The following LRRC27 variants were observed in gnomAD, a reference collection of about 807,000 sequenced individuals.
The protein encoded by LRRC27 is leucine-rich repeat-containing protein 27.
LRRC27 carries 57 observed loss-of-function variants against 55.0 expected under a neutral mutation model. The ratio of observed to expected loss-of-function variants is 1.04; its 90% CI spans 0.84 to 1.29. LRRC27 has a LOEUF of 1.29. Ranked by LOEUF, LRRC27 falls within the 50% of genes most tolerant of loss-of-function variation. The pLI, the probability that LRRC27 is intolerant of heterozygous loss-of-function variation, is 0.00. For synonymous variants in LRRC27, 278 were observed against 251.9 expected, an observed-to-expected ratio of 1.10 and a Z score of -0.98; for missense variants, 721 against 651.5, an observed-to-expected ratio of 1.11 and a Z score of -1.16.
chr10:132,372,745 G>A lies in LRRC27; in HGVS notation c.1417-2321G>A, dbSNP rs971921505. On this transcript the variant is annotated intron_variant, in intron 10 of 10. Transcript: ENST00000368614. The surrounding 1 kb of genome is among the most constrained non-coding windows in gnomAD (Gnocchi z 4.0). ...ACAGCAGCCATGTTTGGCCTAAAGA[G>A]ACCTGCAGAAGGTCAGGTGCACAAC... Among the ~76,000 whole-genome samples the A allele has an allele frequency of 3.8e-4, 58 of 152,128 alleles. No homozygotes were observed. Among genetic ancestry groups the A allele is most frequent in the Non-Finnish European group, 7.4e-5 (5 of 68,024 alleles).
intron 7 of LRRC27, 40 bp downstream of exon 7, chr10:132,351,793 G>T (rs749913425): frequency 6.4e-7 from 1 of 1,568,386 alleles, no homozygotes; most frequent in Non-Finnish European, 8.6e-7. Flanking sequence ...AGCCCGCCCA[G>T]TGCACCCGGA....
At chr10:132,336,946 G>A in intron 2 of LRRC27, 1 of 616,154 alleles carries the variant, frequency 1.6e-6, no homozygotes, top group Non-Finnish European at 2.7e-6. Context: ...GCTAAAATCA[G>A]CGTGTATACG....
At chr10:132,334,359 A>G (rs1359291552) in intron 2 of LRRC27, among the ~76,000 whole-genome samples, 1 of 152,210 alleles carries the variant, frequency 6.6e-6, no homozygotes, top group Non-Finnish European at 1.5e-5. Flanking sequence ...AAAATGAATA[A>G]TGTGAAAGTT....
upstream of LRRC27, among the ~76,000 whole-genome samples, chr10:132,330,925 G>A (rs974427147): frequency 6.6e-6 from 1 of 151,550 alleles, no homozygotes; most frequent in African/African-American, 2.4e-5. Flanking sequence ...GAATCAGGCC[G>A]GGCACGGTGG....
At chr10:132,367,310 A>C (rs1327415934) in intron 10 of LRRC27, among the ~76,000 whole-genome samples, 4 of 152,236 alleles carry the variant, frequency 2.6e-5, no homozygotes, top group Non-Finnish European at 2.9e-5. Flanking sequence ...ATTCTACCAA[A>C]CATTTAAGGT....
chr10:132,351,901 T>C (rs1432583280), intron 7 of LRRC27, 148 bp downstream of exon 7: 1 of 1,050,352 alleles, frequency 9.5e-7, no homozygotes, highest in Admixed American at 2.9e-5. Context: ...CTTCCTCACC[T>C]GGAAGCCGAG....
chr10:132,361,194 C>G (rs149393343), intron 8 of LRRC27, among the ~76,000 whole-genome samples: 368 of 152,248 alleles, frequency 2.4e-3, no homozygotes, highest in Non-Finnish European at 4.3e-3. Context: ...CCCCAGGGTC[C>G]CCTCACTCTG....
At chr10:132,365,657 G>A (rs1004399627) in intron 10 of LRRC27, 107 bp downstream of exon 10, 97 of 1,394,500 alleles carry the variant, frequency 7.0e-5, no homozygotes, top group Admixed American at 9.6e-5. Flanking sequence ...GCTGGAGTGC[G>A]GTGGCACAAT....
intron 10 of LRRC27, chr10:132,367,137 C>T (rs1032070505): frequency 3.4e-5 from 11 of 323,866 alleles, no homozygotes; most frequent in Non-Finnish European, 5.0e-5. Flanking sequence ...CAACTCTAGC[C>T]ACAGATTTGA....
At position 132,333,465 on chromosome 10, in the gene LRRC27, C is replaced by T; in HGVS notation, c.-48-12C>T. On this transcript the variant is annotated splice_polypyrimidine_tract_variant and intron_variant, in intron 1 of 10. Transcript: ENST00000368614. ...TTAGTTGCTTCTACGTTTCCCTTTCCCGTGTCTCCAGGTGACTCCAGACCA... is the reference window on the plus strand; with the variant it reads ...TTAGTTGCTTCTACGTTTCCCTTTCTCGTGTCTCCAGGTGACTCCAGACCA... 1 of 1,344,976 alleles carries T rather than the reference C, an allele frequency of 7.4e-7. No homozygotes were observed. The highest frequency in any genetic ancestry group is 1.0e-6 in the Non-Finnish European group (1 of 996,002). 83.3% of individuals were successfully genotyped at this position (1,344,976 alleles called of 1,614,324 possible).
intron 10 of LRRC27, among the ~76,000 whole-genome samples, chr10:132,370,911 G>A (rs534722007): frequency 2.0e-5 from 3 of 152,324 alleles, no homozygotes; most frequent in Non-Finnish European, 2.9e-5. Flanking sequence ...GTGAAGTCTC[G>A]GGCTTTGCCA....
chr10:132,344,837 T>A, intron 5 of LRRC27, 187 bp downstream of exon 5: 1 of 542,602 alleles, frequency 1.8e-6, no homozygotes, highest in Non-Finnish European at 3.1e-6. Flanking sequence ...TTTTCCTTGG[T>A]TCTATAAATC....
chr10:132,359,941 T>A (rs563461587), intron 8 of LRRC27, among the ~76,000 whole-genome samples: 1 of 152,330 alleles, frequency 6.6e-6, no homozygotes, highest in African/African-American at 2.4e-5. Flanking sequence ...ATTTGGTTCT[T>A]TGCTTGCTCA....
chr10:132,345,115 C>G lies in LRRC27; in HGVS notation c.553+465C>G, dbSNP rs181076079. The stretch of plus-strand genomic sequence containing the variant: ...TGCTCACTAACCTGTTCCATTCTTT[C>G]AACATACTGACCAGCCAGGTATTTT... On this transcript the variant is annotated intron_variant, in intron 5 of 10. Transcript: ENST00000368614. Among the ~76,000 whole-genome samples the G allele has an allele frequency of 3.3e-3, 509 of 152,298 alleles. 2 individuals are homozygous for G. The highest frequency in any genetic ancestry group is 5.9e-3 in the Non-Finnish European group (398 of 68,020).
At position 132,374,047 on chromosome 10, in the gene LRRC27, G is replaced by C. The variant is rs778966458; in HGVS notation, c.1417-1019G>C. On this transcript the variant is annotated intron_variant, in intron 10 of 10. Coordinates refer to ENST00000368614, the MANE Select transcript of LRRC27 (RefSeq NM_030626.3). This position sits in a 1 kb window ranked among gnomAD's most constrained non-coding sequence, Gnocchi z 4.4. ...TAGCCCACAGTTACGATATGGGGGC[G>C]GGGGAGGCTGCAGGGGTCTCCGGGG... Among the ~76,000 whole-genome samples the C allele has an allele frequency of 2.6e-5, 4 of 151,878 alleles. No individual in the cohort carries two copies. The highest frequency in any genetic ancestry group is 5.9e-5 in the Non-Finnish European group (4 of 67,918).
chr10:132,358,385 G>A (rs1314955157), intron 8 of LRRC27, among the ~76,000 whole-genome samples: 5 of 50,338 alleles, frequency 9.9e-5, no homozygotes, highest in South Asian at 1.0e-3. Context: ...CCGAGGTGAT[G>A]GAGCAGCGTG....
At position 132,340,359 on chromosome 10, in the gene LRRC27, C is replaced by G. The variant is rs564313422; in HGVS notation, c.342-1854C>G. Among the ~76,000 whole-genome samples the G allele has an allele frequency of 2.4e-3, 368 of 152,230 alleles. 1 individual carries two copies. Among genetic ancestry groups the G allele is most frequent in the Middle Eastern group, 3.4e-3 (1 of 294 alleles). ...GTTAATAGTCAGTAAACATGCACCC[C>G]CCGCAATCCCTCTCAGGCAAAACCG... On this transcript the variant is annotated intron_variant, in intron 3 of 10. Transcript: ENST00000368614.
At chr10:132,364,416 C>CACTTACACTCAT (rs2068842566) in intron 9 of LRRC27, among the ~76,000 whole-genome samples, 1 of 148,542 alleles carries the variant, frequency 6.7e-6, no homozygotes, top group African/African-American at 2.5e-5. Flanking sequence ...TCCACACCCG[C>CACTTACACTCAT]GCTTACACCC....
At chr10:132,369,092 C>G (rs1297114921) in intron 10 of LRRC27, among the ~76,000 whole-genome samples, 1 of 152,146 alleles carries the variant, frequency 6.6e-6, no homozygotes, top group African/African-American at 2.4e-5. Flanking sequence ...TAAGGAGATT[C>G]ACCATCAAAA....
Sources: allele counts gnomAD v4.1 joint callset (sites outside exome capture counted in the v4.1 genomes callset), GRCh38; gene constraint gnomAD v4.1.1; non-coding constraint Gnocchi (gnomAD v3.1); transcripts MANE v1.5; gene names NCBI Gene and HGNC (gene_info 2026-07-23, HGNC 2026-07-21).